The following GALNT17 variants were observed in gnomAD, a reference collection of about 807,000 sequenced individuals.
GALNT17 encodes polypeptide N-acetylgalactosaminyltransferase 17.
GALNT17 carries 29 observed loss-of-function variants against 63.7 expected under a neutral mutation model. That is an observed-to-expected ratio of 0.46 (90% CI 0.34 to 0.62). GALNT17 has a LOEUF of 0.62. GALNT17 is among the 20% of genes least tolerant of loss of function. The probability of loss-of-function intolerance (pLI) is 0.01; values close to 1 mark genes in which losing one functional copy is unlikely to be tolerated. For missense variants in GALNT17, 603 were observed against 799.6 expected (o/e 0.75, Z 2.97); for synonymous variants, 305 against 318.3 (o/e 0.96, Z 0.45).
chr7:71,567,374 G>A (rs112099553), intron 5 of GALNT17, among the ~76,000 whole-genome samples: 1 of 152,212 alleles, frequency 6.6e-6, no homozygotes, highest in Non-Finnish European at 1.5e-5. Flanking sequence ...AGGTGAAGGC[G>A]CATTACTTAT....
At chr7:71,433,602 C>A (rs1189125460) in intron 5 of GALNT17, among the ~76,000 whole-genome samples, 1 of 152,180 alleles carries the variant, frequency 6.6e-6, no homozygotes, top group African/African-American at 2.4e-5. Flanking sequence ...ATTATTGGTT[C>A]ACAATGGCCT....
At chr7:71,458,504 C>A (rs140664251) in intron 5 of GALNT17, among the ~76,000 whole-genome samples, 3 of 152,214 alleles carry the variant, frequency 2.0e-5, no homozygotes, top group Non-Finnish European at 4.4e-5. Flanking sequence ...AGCTCAGTTG[C>A]AGTGCTCCTT....
chr7:71,415,777 G>T (rs1445577080), intron 3 of GALNT17, 112 bp from the exon 4 acceptor site: 1 of 1,237,746 alleles, frequency 8.1e-7, no homozygotes, highest in African/African-American at 1.5e-5. Context: ...ACTAACATGC[G>T]ATTTTTTTTG....
At chr7:71,375,150 A>G (rs1231941916) in intron 2 of GALNT17, among the ~76,000 whole-genome samples, 6 of 152,086 alleles carry the variant, frequency 3.9e-5, no homozygotes, top group Non-Finnish European at 5.9e-5. Flanking sequence ...GGAAGATTTT[A>G]TAAGTGGAGA....
At chr7:71,593,885 T>C (rs1789848643) in intron 6 of GALNT17, among the ~76,000 whole-genome samples, 1 of 152,180 alleles carries the variant, frequency 6.6e-6, no homozygotes, top group Non-Finnish European at 1.5e-5. Flanking sequence ...CTTTTAGACT[T>C]TTCTTTTTCT....
At chr7:71,184,938 C>CCCTTCCTT (rs1562894648) in intron 1 of GALNT17, among the ~76,000 whole-genome samples, 7 of 76,528 alleles carry the variant, frequency 9.1e-5, no homozygotes, top group African/African-American at 1.9e-4. Context: ...CTCCCTTCCT[C>CCCTTCCTT]ACTTCCTTCC....
intron 6 of GALNT17, among the ~76,000 whole-genome samples, chr7:71,611,771 G>A (rs1790128962): frequency 6.6e-6 from 1 of 152,128 alleles, no homozygotes; most frequent in Non-Finnish European, 1.5e-5. Flanking sequence ...AGACCATGGT[G>A]TAGAATAACC....
chr7:71,571,335 G>A lies in GALNT17; in HGVS notation c.1013G>A (p.Gly338Asp), dbSNP rs750665837. ...CSFVVNRKFF[G>D]EIGLLDPGMD... Reference sequence around the variant, plus strand: ...TTCGTGGTCAACAGGAAGTTCTTCGGTGAAATTGGTCTTCTGGATCCTGGC... The same window carrying A: ...TTCGTGGTCAACAGGAAGTTCTTCGATGAAATTGGTCTTCTGGATCCTGGC... Residue 338 changes from glycine to aspartate, a missense_variant, in exon 6 of 11, where the codon GGT (glycine) becomes GAT (aspartate). Gly to Asp is a moderately conservative substitution (Grantham distance 94). Transcript: ENST00000333538. 1 of 1,614,116 alleles carries A rather than the reference G, an allele frequency of 6.2e-7. No individual in the cohort carries two copies. Among genetic ancestry groups the A allele is most frequent in the Non-Finnish European group, 8.5e-7 (1 of 1,179,980 alleles).
intron 5 of GALNT17, among the ~76,000 whole-genome samples, chr7:71,553,655 C>G (rs1789116302): frequency 6.6e-6 from 1 of 152,158 alleles, no homozygotes; most frequent in Non-Finnish European, 1.5e-5. Flanking sequence ...AGTTGCAAGT[C>G]AGATGTAAGA....
intron 5 of GALNT17, among the ~76,000 whole-genome samples, chr7:71,462,537 G>A (rs1787469146): frequency 6.6e-6 from 1 of 152,190 alleles, no homozygotes. Flanking sequence ...AAGTGCTGAC[G>A]GCATGTGCCC....
At chr7:71,673,699 T>G (rs1791104897) in intron 8 of GALNT17, among the ~76,000 whole-genome samples, 1 of 152,170 alleles carries the variant, frequency 6.6e-6, no homozygotes, top group African/African-American at 2.4e-5. Context: ...ACTGTAGCCT[T>G]GAACTCCTGG....
intron 1 of GALNT17, among the ~76,000 whole-genome samples, chr7:71,182,631 A>G (rs1278574023): frequency 2.0e-5 from 3 of 152,122 alleles, no homozygotes; most frequent in African/African-American, 7.2e-5. Flanking sequence ...TCTCTCAGGT[A>G]ACATTTTGAG....
chr7:71,467,533 ATTT>A (rs1787555517), intron 5 of GALNT17, among the ~76,000 whole-genome samples: 1 of 151,532 alleles, frequency 6.6e-6, no homozygotes, highest in African/African-American at 2.4e-5. Flanking sequence ...AAGGAGTCTT[ATTT>A]TTCAAAGTTA....
At chr7:71,319,323 C>T (rs1490816978) in intron 1 of GALNT17, among the ~76,000 whole-genome samples, 1 of 152,110 alleles carries the variant, frequency 6.6e-6, no homozygotes, top group Non-Finnish European at 1.5e-5. Flanking sequence ...ATCACCAATG[C>T]ATTGGCTTTA....
At chr7:71,311,531 A>T (rs945384789) in intron 1 of GALNT17, among the ~76,000 whole-genome samples, 10 of 152,268 alleles carry the variant, frequency 6.6e-5, no homozygotes, top group East Asian at 3.9e-4. Context: ...AATTTTTTTT[A>T]AAAAAACCTA....
At chr7:71,463,711 A>G (rs972849421) in intron 5 of GALNT17, among the ~76,000 whole-genome samples, 1 of 152,200 alleles carries the variant, frequency 6.6e-6, no homozygotes, top group Non-Finnish European at 1.5e-5. Flanking sequence ...TCCCCTTTTT[A>G]GACCACATAG....
At chr7:71,504,053 C>T (rs138565114) in intron 5 of GALNT17, among the ~76,000 whole-genome samples, 2 of 152,144 alleles carry the variant, frequency 1.3e-5, no homozygotes, top group African/African-American at 4.8e-5. Flanking sequence ...ACAGTAAAAC[C>T]CCATCTCTAC....
At chr7:71,153,564 A>G (rs920227368) in intron 1 of GALNT17, among the ~76,000 whole-genome samples, 1 of 152,154 alleles carries the variant, frequency 6.6e-6, no homozygotes, top group Non-Finnish European at 1.5e-5. Flanking sequence ...TTGGGAAGCC[A>G]TGAAAAATTC....
chr7:71,489,288 A>C (rs1787968346), intron 5 of GALNT17, among the ~76,000 whole-genome samples: 1 of 152,132 alleles, frequency 6.6e-6, no homozygotes, highest in Admixed American at 6.5e-5. Flanking sequence ...CCGGACACCT[A>C]CACCTGACTA....
Sources: allele counts gnomAD v4.1 joint callset (sites outside exome capture counted in the v4.1 genomes callset), GRCh38; gene constraint gnomAD v4.1.1; transcripts MANE v1.5; gene names NCBI Gene and HGNC (gene_info 2026-07-23, HGNC 2026-07-21).